CMIP: variants seen among roughly 807,000 people sequenced by gnomAD.
The protein encoded by CMIP is C-Maf-inducing protein.
Under a neutral mutation model 97.3 loss-of-function variants are expected in CMIP, and 13 were observed. That is an observed-to-expected ratio of 0.13 (90% CI 0.09 to 0.21). The LOEUF is 0.21. CMIP is among the 10% of genes least tolerant of loss of function. The pLI is 1.00. For missense variants in CMIP, 847 were observed against 1,024.9 expected (o/e 0.83, Z 2.37); for synonymous variants, 538 against 436.3 (o/e 1.23, Z -2.91).
At chr16:81,639,504 A>G (rs1271545337) in intron 3 of CMIP, among the ~76,000 whole-genome samples, 2 of 152,122 alleles carry the variant, frequency 1.3e-5, no homozygotes, top group Non-Finnish European at 2.9e-5. Flanking sequence ...ATCACACAAG[A>G]TTTGGCCTTT....
intron 7 of CMIP, among the ~76,000 whole-genome samples, chr16:81,667,943 T>TC (rs927694428): frequency 4.6e-5 from 7 of 151,494 alleles, no homozygotes; most frequent in African/African-American, 1.7e-4. Context: ...GAGTGAAAGC[T>TC]CCCCCTGCAC....
chr16:81,588,769 G>A (rs2091422341), intron 1 of CMIP, among the ~76,000 whole-genome samples: 5 of 152,136 alleles, frequency 3.3e-5, no homozygotes, highest in Admixed American at 3.3e-4. Flanking sequence ...GGCACAGCAG[G>A]CCCTCTGTGC....
chr16:81,511,110 C>T (rs1323029954), intron 1 of CMIP, among the ~76,000 whole-genome samples: 1 of 152,184 alleles, frequency 6.6e-6, no homozygotes, highest in Non-Finnish European at 1.5e-5. Context: ...CAGTTCCCAG[C>T]TTATGATGAG....
At chr16:81,595,440 G>A (rs2091539780) in intron 1 of CMIP, among the ~76,000 whole-genome samples, 1 of 143,854 alleles carries the variant, frequency 7.0e-6, no homozygotes, top group South Asian at 2.2e-4. Flanking sequence ...CCAGGCTGTA[G>A]TGCAGTGACA....
At chr16:81,542,398 G>A (rs886894448) in intron 1 of CMIP, among the ~76,000 whole-genome samples, 3 of 152,172 alleles carry the variant, frequency 2.0e-5, no homozygotes, top group Non-Finnish European at 2.9e-5. Context: ...ACCGAGGGTG[G>A]GAGATTTGTA....
chr16:81,643,592 C>G (rs903863002), intron 3 of CMIP, among the ~76,000 whole-genome samples: 1 of 152,062 alleles, frequency 6.6e-6, no homozygotes, highest in African/African-American at 2.4e-5. Context: ...GAGTTCGAGA[C>G]CAGCCTGGCC....
chr16:81,690,834 G>A (rs913771270), intron 10 of CMIP, among the ~76,000 whole-genome samples: 5 of 152,158 alleles, frequency 3.3e-5, no homozygotes, highest in African/African-American at 4.8e-5. Context: ...GCTGAGGCAC[G>A]AGAATCACTT....
chr16:81,524,157 C>G (rs1387572970), intron 1 of CMIP, among the ~76,000 whole-genome samples: 1 of 152,234 alleles, frequency 6.6e-6, no homozygotes, highest in African/African-American at 2.4e-5. Flanking sequence ...ACCTGAAAGA[C>G]AGGACCCTGT....
chr16:81,606,291 C>T (rs2091742639), intron 1 of CMIP, among the ~76,000 whole-genome samples: 1 of 152,184 alleles, frequency 6.6e-6, no homozygotes, highest in African/African-American at 2.4e-5. Context: ...GACCTTGATA[C>T]CTGTTCCACA....
chr16:81,551,060 C>T (rs2090646495), intron 1 of CMIP, among the ~76,000 whole-genome samples: 1 of 145,740 alleles, frequency 6.9e-6, no homozygotes, highest in African/African-American at 2.6e-5. Context: ...CACCCCAGTC[C>T]CGTCACACGC....
chr16:81,568,345 C>A (rs530423396), intron 1 of CMIP, among the ~76,000 whole-genome samples: 1 of 152,306 alleles, frequency 6.6e-6, no homozygotes, highest in Non-Finnish European at 1.5e-5. Context: ...GCCCTCTGCC[C>A]ACTGAAAGTG....
chr16:81,462,824 A>T (rs992150624), intron 1 of CMIP, among the ~76,000 whole-genome samples: 1 of 152,196 alleles, frequency 6.6e-6, no homozygotes, highest in African/African-American at 2.4e-5. Context: ...ATGGTGGCTC[A>T]CTGCTCAGCT....
At chr16:81,654,147 C>G (rs375726118) in intron 4 of CMIP, among the ~76,000 whole-genome samples, 1 of 152,182 alleles carries the variant, frequency 6.6e-6, no homozygotes, top group Non-Finnish European at 1.5e-5. Context: ...GCCCCATTGC[C>G]GGCCTCGGGC....
chr16:81,678,289 C>A lies in CMIP; in HGVS notation c.1049C>A (p.Pro350Gln). 1 of 1,599,812 alleles carries A rather than the reference C, an allele frequency of 6.3e-7. No homozygotes were observed. Among genetic ancestry groups the A allele is most frequent in the Non-Finnish European group, 8.5e-7 (1 of 1,173,704 alleles). ...EEFINSRDNSPSLKEIRNGCQ... is the reference protein window; with the variant it reads ...EEFINSRDNSQSLKEIRNGCQ... ...TCTTCCCCCAGCCGCGACAATTCCC[C>A]AAGCCTGAAGGAAATCCGGAACGGC... Residue 350 changes from proline (P) to glutamine (Q), a missense_variant, in exon 10 of 21, where the codon CCA (proline) becomes CAA (glutamine). Coordinates refer to ENST00000537098, the MANE Select transcript of CMIP (RefSeq NM_198390.3).
At chr16:81,562,489 A>G (rs1012072248) in intron 1 of CMIP, among the ~76,000 whole-genome samples, 4 of 152,260 alleles carry the variant, frequency 2.6e-5, no homozygotes, top group African/African-American at 4.8e-5. Flanking sequence ...GTGTTGGCAG[A>G]TGCCCAGCTG....
At chr16:81,698,299 C>T (rs962512491) in intron 14 of CMIP, among the ~76,000 whole-genome samples, 2 of 152,168 alleles carry the variant, frequency 1.3e-5, no homozygotes, top group African/African-American at 2.4e-5. Context: ...CCCCGGTGAC[C>T]GGGGACCCCT....
chr16:81,692,722 A>G (rs1348971768), intron 11 of CMIP, among the ~76,000 whole-genome samples: 1 of 152,202 alleles, frequency 6.6e-6, no homozygotes, highest in Non-Finnish European at 1.5e-5. Flanking sequence ...CCCCGTCCCC[A>G]TAGGCCTGGG....
chr16:81,605,323 C>T lies in CMIP; in HGVS notation c.301-2244C>T, dbSNP rs187374054. ...GCCAGGGGGTCCTCTGAGGGGTGAG[C>T]GATGCAGTGGTGGAAAGGACAGGAT... On this transcript the variant is annotated intron_variant, in intron 1 of 20. Transcript: ENST00000537098. Among the ~76,000 whole-genome samples, 8 of 152,248 alleles carry T rather than the reference C, an allele frequency of 5.3e-5. No homozygotes were observed. In the East Asian group the frequency reaches 7.7e-4, roughly 15 times the overall value.
chr16:81,559,842 G>C (rs2090842088), intron 1 of CMIP, among the ~76,000 whole-genome samples: 1 of 152,132 alleles, frequency 6.6e-6, no homozygotes, highest in Non-Finnish European at 1.5e-5. Context: ...TCTTTCAAGA[G>C]GTATACAGAG....
Sources: gnomAD v4.1 joint callset for allele counts (sites outside exome capture counted in the v4.1 genomes callset) on GRCh38, gnomAD v4.1.1 for gene constraint, MANE v1.5 for transcripts, NCBI Gene and HGNC (gene_info 2026-07-23, HGNC 2026-07-21) for gene names.